Variants in QARS1 observed in about 807,000 individuals in gnomAD.
QARS1 encodes glutamine--tRNA ligase.
Under a neutral mutation model 106.9 loss-of-function variants are expected in QARS1, and 79 were observed. That is an observed-to-expected ratio of 0.74 (90% CI 0.62 to 0.89). The LOEUF is 0.89. Ranked by LOEUF, QARS1 falls within the 40% of genes least tolerant of loss-of-function variation. The pLI, the probability that QARS1 is intolerant of heterozygous loss-of-function variation, is 0.00. For missense variants in QARS1, 966 were observed against 997.2 expected, an observed-to-expected ratio of 0.97 and a Z score of 0.42; for synonymous variants, 395 against 367.7, an observed-to-expected ratio of 1.07 and a Z score of -0.85.
intron 23 of QARS1, among the ~76,000 whole-genome samples, chr3:49,096,526 G>C (rs924214811): frequency 6.6e-6 from 1 of 152,022 alleles, no homozygotes; most frequent in African/African-American, 2.4e-5. Context: ...TAGGCCAGGC[G>C]CAGTGGCTCA....
chr3:49,100,757 G>A (rs1310136667), intron 10 of QARS1, 83 bp from the exon 11 acceptor site: 2 of 1,163,320 alleles, frequency 1.7e-6, no homozygotes, highest in Non-Finnish European at 2.6e-6. Context: ...TATTCACAGA[G>A]CACTCTCATG....
Position 49,099,385 on chromosome 3 carries a change from G to A in QARS1, c.1573C>T (p.Arg525Trp), listed in dbSNP as rs1553751726. The change falls in exon 17 of 24, where the codon CGG becomes TGG. Residue 525 changes from arginine to tryptophan, a missense_variant. Arg to Trp is a moderately radical substitution (Grantham distance 101, BLOSUM62 -3). Coordinates refer to ENST00000306125, the MANE Select transcript of QARS1 (RefSeq NM_005051.3). ...TTGATGGCCTCAGGTGGGAAGCCCC[G>A]CCGTCGCAGGGCCGTGAGTGTAAAG... ...RLFTLTALRRRGFPPEAINNF... is the reference protein window; with the variant it reads ...RLFTLTALRRWGFPPEAINNF... The A allele has an allele frequency of 8.7e-6, 14 of 1,614,184 alleles. No homozygotes were observed. Among genetic ancestry groups the A allele is most frequent in the South Asian group, 3.3e-5 (3 of 91,080 alleles).
chr3:49,098,002 T>G lies in QARS1; in HGVS notation c.2267A>C (p.His756Pro). Residue 756 changes from histidine (H) to proline (P), a missense_variant, in exon 23 of 24, where the codon CAT becomes CCT. By Grantham distance (77) the His-to-Pro change is moderately conservative. Transcript: ENST00000306125. ...AGTAAAGTCAAGCACCTTTCCCTGATGGCTGTCTGGATCCACGGAGAAATA... is the reference window on the plus strand; with the variant it reads ...AGTAAAGTCAAGCACCTTTCCCTGAGGGCTGTCTGGATCCACGGAGAAATA... ...LGYFSVDPDSHQGKLVFNRTV... is the reference protein window; with the variant it reads ...LGYFSVDPDSPQGKLVFNRTV... The G allele has an allele frequency of 6.2e-7, 1 of 1,614,200 alleles. No individual in the cohort carries two copies. Among genetic ancestry groups the G allele is most frequent in the Non-Finnish European group, 8.5e-7 (1 of 1,180,032 alleles).
Position 49,100,620 on chromosome 3 carries a change from C to T in QARS1, c.931G>A (p.Glu311Lys). Residue 311 changes from glutamate to lysine, a missense_variant, in exon 11 of 24, where the codon GAA (glutamate) becomes AAA (lysine). By Grantham distance (56) the Glu-to-Lys change is moderately conservative. Transcript: ENST00000306125. ...RFDDTNPEKE[E>K]AKFFTAICDM... ...CAGATGGCCGTGAAGAACTTTGCTT[C>T]CTCCTTCTCAGGGTTGGTGTCATCA... 3 of 1,611,772 alleles carry T rather than the reference C, an allele frequency of 1.9e-6. No individual in the cohort carries two copies. Among genetic ancestry groups the T allele is most frequent in the Non-Finnish European group, 2.5e-6 (3 of 1,177,826 alleles).
intron 10 of QARS1, among the ~76,000 whole-genome samples, chr3:49,101,038 G>A (rs530014765): frequency 1.8e-4 from 28 of 152,242 alleles, no homozygotes; most frequent in African/African-American, 4.8e-4. Flanking sequence ...CACCCAACCC[G>A]GACTCATGTC....
chr3:49,104,248 T>C, intron 2 of QARS1, 76 bp downstream of exon 2: 4 of 1,576,868 alleles, frequency 2.5e-6, no homozygotes, highest in Non-Finnish European at 3.5e-6. Flanking sequence ...CTGGAGGACT[T>C]GGCAAAAAGG....
In QARS1 at chr3:49,104,403, T is replaced by G. The variant is rs777303889; in HGVS notation, c.186A>C (p.Arg62=). The stretch of plus-strand genomic sequence containing the variant: ...AGGAGAGACGCCGGGTATCCCTGAG[T>G]CGGGAGGCCAAGCCATATAACAGGA... ...TGILLYGLAS[R]LRDTRRLSFL... Residue 62 remains arginine, a synonymous_variant, in exon 2 of 24, where the codon CGA becomes CGC. Transcript: ENST00000306125. 1 of 1,614,094 alleles carries G rather than the reference T, an allele frequency of 6.2e-7. No homozygotes were observed. Among genetic ancestry groups the G allele is most frequent in the Non-Finnish European group, 8.5e-7 (1 of 1,179,994 alleles).
At chr3:49,104,082 G>T in intron 2 of QARS1, 110 bp from the exon 3 acceptor site, 2 of 1,190,266 alleles carry the variant, frequency 1.7e-6, no homozygotes, top group Non-Finnish European at 2.5e-6. Flanking sequence ...GAAAAGTTAA[G>T]CCCTGGCACC....
rs2042424281 is a variant in QARS1, at chr3:49,098,664, G to C, written c.1892C>G (p.Ala631Gly). The change falls in exon 20 of 24, where the codon GCT (alanine) becomes GGT (glycine). Residue 631 changes from alanine to glycine, a missense_variant. By Grantham distance (60) the Ala-to-Gly change is moderately conservative (BLOSUM62 0). Transcript: ENST00000306125. Reference sequence around the variant, plus strand: ...CCTCAGGCCCACAGGCTGGCCCCAAGCCAGGCGCTTAAATCCTGGCTCTGG... The same window carrying C: ...CCTCAGGCCCACAGGCTGGCCCCAACCCAGGCGCTTAAATCCTGGCTCTGG... ...EEPEPGFKRLAWGQPVGLRHT... is the reference protein window; with the variant it reads ...EEPEPGFKRLGWGQPVGLRHT... 3 of 1,607,404 alleles carry C rather than the reference G, an allele frequency of 1.9e-6. No homozygotes were observed. The Admixed American group carries it at 5.1e-5, about 27-fold the overall frequency.
rs578209547 is a variant in QARS1, at chr3:49,100,053, T to C, written c.1203A>G (p.Thr401=). ...CCTCCATCACCAGCTTCATCCGTAG[T>C]GTGGCCTCGCCCTCTGAAAACTTGC... ...RKGKFSEGEA[T]LRMKLVMEDG... Residue 401 remains threonine, a synonymous_variant, in exon 14 of 24, where the codon ACA becomes ACG. Coordinates refer to ENST00000306125, the MANE Select transcript of QARS1 (RefSeq NM_005051.3). The C allele has an allele frequency of 3.1e-6, 5 of 1,614,230 alleles. No individual in the cohort carries two copies. Among genetic ancestry groups the C allele is most frequent in the African/African-American group, 2.7e-5 (2 of 75,064 alleles).
Position 49,098,013 on chromosome 3 carries a change from A to G in QARS1, c.2256T>C (p.Asp752=). The G allele has an allele frequency of 6.2e-7, 1 of 1,614,160 alleles. No homozygotes were observed. The highest frequency in any genetic ancestry group is 8.5e-7 in the Non-Finnish European group (1 of 1,180,024). The stretch of plus-strand genomic sequence containing the variant: ...GCACCTTTCCCTGATGGCTGTCTGG[A>G]TCCACGGAGAAATATCCAAGACGCT... ...QFERLGYFSV[D]PDSHQGKLVF... Residue 752 remains aspartate (D), a synonymous_variant, in exon 23 of 24, where the codon GAT becomes GAC. Coordinates refer to ENST00000306125, the MANE Select transcript of QARS1 (RefSeq NM_005051.3).
Position 49,098,427 on chromosome 3 carries a change from A to G in QARS1, c.2010T>C (p.Ala670=). 1 of 1,614,190 alleles carries G rather than the reference A, an allele frequency of 6.2e-7. No individual in the cohort carries two copies. The highest frequency in any genetic ancestry group is 8.5e-7 in the Non-Finnish European group (1 of 1,180,034). ...GAATAAAGGCCTTTGGCTTCTCTCCAGCATCTGCCCGTCTGCAGGTCACCT... is the reference window on the plus strand; with the variant it reads ...GAATAAAGGCCTTTGGCTTCTCTCCGGCATCTGCCCGTCTGCAGGTCACCT... The part of the protein sequence containing the change: ...SLEVTCRRAD[A]GEKPKAFIHW... Residue 670 remains alanine (A), a synonymous_variant, in exon 21 of 24, where the codon GCT becomes GCC. Coordinates refer to ENST00000306125, the MANE Select transcript of QARS1 (RefSeq NM_005051.3).
At chr3:49,097,958 C>T in intron 23 of QARS1, 34 bp downstream of exon 23, 1 of 1,613,224 alleles carries the variant, frequency 6.2e-7, no homozygotes, top group Non-Finnish European at 8.5e-7. Flanking sequence ...ACTGTCACTG[C>T]TGCAGATGAG....
At position 49,102,467 on chromosome 3, in the gene QARS1, G is replaced by A. The variant is rs778151037; in HGVS notation, c.522C>T (p.Leu174=). The change falls in exon 6 of 24, where the codon CTC becomes CTT. Residue 174 remains leucine, a synonymous_variant. Coordinates refer to ENST00000306125, the MANE Select transcript of QARS1 (RefSeq NM_005051.3). ...MIKNEVDMQV[L]HLLGPKLEAD... ...CCTCCAACTTGGGGCCCAGAAGGTG[G>A]AGGACCTGAGCAGAGACCAGAATCA... is the stretch of plus-strand genomic sequence containing the variant. 1.1e-5 allele frequency: 17 copies of A among 1,614,100 alleles called. No individual in the cohort carries two copies. The Admixed American group carries it at 2.7e-4, about 25-fold the overall frequency.
chr3:49,101,850 C>T lies in QARS1; in HGVS notation c.681G>A (p.Glu227=). The part of the protein sequence containing the change: ...TLSLMEQLRG[E]ALKFHKPGEN... ...AACCAGGCTTGTGGAACTTAAGGGC[C>T]TCCCCCCGGAGCTGCTCCATCAGAG... is the stretch of plus-strand genomic sequence containing the variant. The change falls in exon 8 of 24, where the codon GAG becomes GAA. Residue 227 remains glutamate (E), a synonymous_variant. Coordinates refer to ENST00000306125, the MANE Select transcript of QARS1 (RefSeq NM_005051.3). 1 of 1,612,472 alleles carries T rather than the reference C, an allele frequency of 6.2e-7. No homozygotes were observed. Among genetic ancestry groups the T allele is most frequent in the Non-Finnish European group, 8.5e-7 (1 of 1,179,220 alleles).
intron 5 of QARS1, 56 bp from the exon 6 acceptor site, chr3:49,102,528 T>C (rs2042484954): frequency 6.2e-7 from 1 of 1,600,270 alleles, no homozygotes; most frequent in African/African-American, 1.3e-5. Context: ...AAGGAGCCCC[T>C]GACTGATCCT....
rs1553751689 is a variant in QARS1 at position 49,099,209 on chromosome 3, T to C, written c.1659A>G (p.Leu553=). Residue 553 remains leucine, a synonymous_variant, in exon 18 of 24, where the codon CTA becomes CTG. Transcript: ENST00000306125. Reference sequence around the variant, plus strand: ...TCAGCACATCACGCACACAGGCTTCTAGAAGATGTGGCTCCATTGTGGTTT... The same window carrying C: ...TCAGCACATCACGCACACAGGCTTCCAGAAGATGTGGCTCCATTGTGGTTT... The part of the protein sequence containing the change: ...VAQTTMEPHL[L]EACVRDVLND... 3.1e-6 allele frequency: 5 copies of C among 1,614,198 alleles called. No individual in the cohort carries two copies. The highest frequency in any genetic ancestry group is 1.1e-5 in the South Asian group (1 of 91,086).
chr3:49,101,978 C>A, intron 7 of QARS1, 79 bp from the exon 8 acceptor site: 2 of 1,433,010 alleles, frequency 1.4e-6, no homozygotes, highest in South Asian at 1.3e-5. Context: ...ACTGAGTAGA[C>A]CCCTATTCCC....
At position 49,104,392 on chromosome 3, in the gene QARS1, G is replaced by A; in HGVS notation, c.197C>T (p.Thr66Ile). The A allele has an allele frequency of 1.2e-6, 2 of 1,614,228 alleles. No individual in the cohort carries two copies. Among genetic ancestry groups the A allele is most frequent in the South Asian group, 1.1e-5 (1 of 91,086 alleles). ...LYGLASRLRD[T>I]RRLSFLVSYI... ...GCTTACAAGGAAGGAGAGACGCCGG[G>A]TATCCCTGAGTCGGGAGGCCAAGCC... is the stretch of plus-strand genomic sequence containing the variant. The change falls in exon 2 of 24, where the codon ACC (threonine) becomes ATC (isoleucine). Residue 66 changes from threonine to isoleucine, a missense_variant. Thr to Ile is a moderately conservative substitution (Grantham distance 89, BLOSUM62 -1). Transcript: ENST00000306125.
Sources: allele counts gnomAD v4.1 joint callset (sites outside exome capture counted in the v4.1 genomes callset), GRCh38; gene constraint gnomAD v4.1.1; transcripts MANE v1.5; gene names NCBI Gene and HGNC (gene_info 2026-07-23, HGNC 2026-07-21).